The following ENTPD1 variants were observed in gnomAD, a reference collection of about 807,000 sequenced individuals.
ENTPD1 encodes ATP diphosphohydrolase.
ENTPD1 carries 33 observed loss-of-function variants against 57.0 expected under a neutral mutation model. That is an observed-to-expected ratio of 0.58 (90% CI 0.44 to 0.77). ENTPD1 has a LOEUF of 0.77. Ranked by LOEUF, ENTPD1 falls within the 30% of genes least tolerant of loss-of-function variation. The probability of loss-of-function intolerance (pLI) is 0.00; values close to 1 mark genes in which losing one functional copy is unlikely to be tolerated. For synonymous variants in ENTPD1, 202 were observed against 218.8 expected (o/e 0.92, Z 0.68); for missense variants, 501 against 603.4 (o/e 0.83, Z 1.78).
chr10:95,729,265 G>A (rs1000447878), intron 1 of ENTPD1, among the ~76,000 whole-genome samples: 17 of 152,106 alleles, frequency 1.1e-4, no homozygotes, highest in African/African-American at 3.9e-4. Context: ...GAGAAACACA[G>A]TATGAAGCAT....
At chr10:95,863,076 T>A (rs2098467972) in intron 8 of ENTPD1, among the ~76,000 whole-genome samples, 1 of 152,222 alleles carries the variant, frequency 6.6e-6, no homozygotes, top group Admixed American at 6.5e-5. Context: ...GGCATGAGCA[T>A]GATCAATTCT....
intron 1 of ENTPD1, among the ~76,000 whole-genome samples, chr10:95,734,387 C>T (rs3934409): frequency 0.5 from 76,335 of 152,022 alleles, 19,664 homozygotes; most frequent in Admixed American, 0.6. Flanking sequence ...TAAGATGGAA[C>T]TTGCTCCATG....
chr10:95,751,151 T>C (rs2098011372), upstream of ENTPD1, among the ~76,000 whole-genome samples: 1 of 152,156 alleles, frequency 6.6e-6, no homozygotes, highest in Non-Finnish European at 1.5e-5. Context: ...TCCTTACATA[T>C]TCGATGACAG....
At chr10:95,768,309 T>C (rs1371009816) in intron 1 of ENTPD1, among the ~76,000 whole-genome samples, 1 of 152,150 alleles carries the variant, frequency 6.6e-6, no homozygotes, top group African/African-American at 2.4e-5. Context: ...TTAGGACTTA[T>C]TTAGGAGCAA....
At chr10:95,847,872 GT>G (rs1383488779) in intron 7 of ENTPD1, among the ~76,000 whole-genome samples, 166 bp downstream of exon 7, 3 of 152,224 alleles carry the variant, frequency 2.0e-5, no homozygotes, top group African/African-American at 4.8e-5. Flanking sequence ...CTTGGGATCA[GT>G]TTTTTCCACT....
chr10:95,785,843 A>G (rs549615929), intron 1 of ENTPD1, among the ~76,000 whole-genome samples: 1 of 152,288 alleles, frequency 6.6e-6, no homozygotes, highest in South Asian at 2.1e-4. Context: ...AATGATATCT[A>G]TGGTGTTGTG....
chr10:95,818,696 T>C (rs6584033), intron 1 of ENTPD1, among the ~76,000 whole-genome samples: 23,911 of 152,110 alleles, frequency 0.16, 2,460 homozygotes, highest in African/African-American at 0.28. Context: ...AACCTACATA[T>C]GTGTCCTCAA....
chr10:95,858,855 T>C (rs1159013405), intron 7 of ENTPD1, among the ~76,000 whole-genome samples: 1 of 152,218 alleles, frequency 6.6e-6, no homozygotes, highest in African/African-American at 2.4e-5. Flanking sequence ...CACCGTAGAC[T>C]CTTATGTGGC....
intron 1 of ENTPD1, among the ~76,000 whole-genome samples, chr10:95,779,626 C>T (rs527974953): frequency 1.3e-5 from 2 of 152,074 alleles, no homozygotes; most frequent in Admixed American, 6.5e-5. Context: ...CCTACTTCTA[C>T]TTACTCCTTT....
chr10:95,863,732 G>A (rs1590209491), intron 8 of ENTPD1, among the ~76,000 whole-genome samples: 1 of 152,176 alleles, frequency 6.6e-6, no homozygotes, highest in East Asian at 1.9e-4. Context: ...GGGAAAAGAG[G>A]GGTGTGGTTT....
the ENTPD1 span, among the ~76,000 whole-genome samples, chr10:95,705,378 A>G: frequency 1.3e-5 from 2 of 152,174 alleles, no homozygotes; most frequent in African/African-American, 2.4e-5. Context: ...CCAAACTACA[A>G]TCAACCTTAT....
the ENTPD1 span, among the ~76,000 whole-genome samples, chr10:95,700,795 CTTTT>C: frequency 6.9e-6 from 1 of 144,184 alleles, no homozygotes. Context: ...GAAGTATATT[CTTTT>C]TTTTTTTTTT....
the ENTPD1 span, among the ~76,000 whole-genome samples, chr10:95,694,357 G>A: frequency 6.6e-6 from 1 of 151,912 alleles, no homozygotes; most frequent in East Asian, 1.9e-4. Flanking sequence ...AATGTTCTCA[G>A]GTGGGGGAAA....
At chr10:95,844,954 CT>C (rs2098431417) in intron 5 of ENTPD1, 2 of 467,316 alleles carry the variant, frequency 4.3e-6, no homozygotes, top group East Asian at 8.7e-5. Flanking sequence ...GTGCTCAGCA[CT>C]TTTCATGTTT....
intron 2 of ENTPD1, among the ~76,000 whole-genome samples, chr10:95,836,932 G>C (rs192602919): frequency 3.9e-5 from 6 of 152,296 alleles, no homozygotes; most frequent in Non-Finnish European, 7.4e-5. Context: ...AACAATGCCA[G>C]TTTTTTATTC....
intron 7 of ENTPD1, among the ~76,000 whole-genome samples, chr10:95,849,822 C>CT (rs2098441781): frequency 1.3e-5 from 2 of 152,256 alleles, no homozygotes; most frequent in South Asian, 4.1e-4. Flanking sequence ...TCACCTTGGA[C>CT]TTTTTTTTGG....
Position 95,869,144 on chromosome 10 carries a change from G to T in ENTPD1, c.*2761G>T, listed in dbSNP as rs1449309930. On this transcript the variant is annotated 3_prime_UTR_variant, in exon 10 of 10. Coordinates refer to ENST00000371205, the MANE Select transcript of ENTPD1 (RefSeq NM_001776.6). ...CTCAAAACTTGGTTCTGCTAACCCT[G>T]TTCCTTTATGAGGAACCTTTTAAAG... 2.0e-6 allele frequency: 2 copies of T among 982,660 alleles called. No individual in the cohort carries two copies. Among genetic ancestry groups the T allele is most frequent in the Non-Finnish European group, 2.4e-6 (2 of 829,594 alleles). The allele number at this position is 982,660 out of a possible 1,614,324, so 60.9% of individuals were successfully genotyped here. A position where few individuals can be genotyped will look rare whatever the true frequency, so the allele number is the denominator to read the frequency against.
chr10:95,830,852 T>C (rs1013711087), intron 2 of ENTPD1, among the ~76,000 whole-genome samples: 2 of 152,040 alleles, frequency 1.3e-5, no homozygotes, highest in African/African-American at 2.4e-5. Context: ...AAATCTTCCA[T>C]GTGATTCTAA....
chr10:95,740,542 G>A (rs1320767895), intron 1 of ENTPD1, among the ~76,000 whole-genome samples: 1 of 152,192 alleles, frequency 6.6e-6, no homozygotes, highest in Non-Finnish European at 1.5e-5. Flanking sequence ...CTCCTTTGAA[G>A]ATTTGAAGCC....
Sources: allele counts gnomAD v4.1 joint callset (sites outside exome capture counted in the v4.1 genomes callset), GRCh38; gene constraint gnomAD v4.1.1; transcripts MANE v1.5; gene names NCBI Gene and HGNC (gene_info 2026-07-23, HGNC 2026-07-21).